The following COPZ1 variants were observed in gnomAD, a reference collection of about 807,000 sequenced individuals.
COPZ1 encodes the protein coat protein complex I subunit zeta 1.
A neutral mutation model predicts 31.7 loss-of-function variants in COPZ1; 4 were observed. That is an observed-to-expected ratio of 0.13 (90% CI 0.06 to 0.29). The LOEUF is 0.29. Among genes scored for constraint, COPZ1 ranks in the 10% least tolerant of loss-of-function variants. The probability of loss-of-function intolerance (pLI) is 1.00; values close to 1 mark genes in which losing one functional copy is unlikely to be tolerated. For missense variants in COPZ1, 156 were observed against 211.5 expected, an observed-to-expected ratio of 0.74 and a Z score of 1.63; for synonymous variants, 74 against 79.0, an observed-to-expected ratio of 0.94 and a Z score of 0.33.
Position 54,350,973 on chromosome 12 carries a change from G to A in COPZ1, c.*450G>A, listed in dbSNP as rs1033321733. ...AAGAGAATTCTTTTCTATAGAACGA[G>A]TGGGGGCGGGGATGGGTAGGGATTT... On this transcript the variant is annotated 3_prime_UTR_variant, in exon 9 of 9. Transcript: ENST00000262061. 2.1e-5 allele frequency: 4 copies of A among 188,514 alleles called. No homozygotes were observed. Among genetic ancestry groups the A allele is most frequent in the African/African-American group, 4.6e-5 (2 of 43,082 alleles). 11.7% of individuals were successfully genotyped at this position (188,514 alleles called of 1,614,324 possible). A position where few individuals can be genotyped will look rare whatever the true frequency, so the allele number is the denominator to read the frequency against.
At chr12:54,346,621 C>T (rs1171635439) in intron 5 of COPZ1, 1 of 701,784 alleles carries the variant, frequency 1.4e-6, no homozygotes, top group Admixed American at 2.0e-5. Context: ...GAACAGGAAG[C>T]ACCCAGGCAG....
chr12:54,326,958 A>ATTTTTT (rs1953660662), intron 1 of COPZ1, among the ~76,000 whole-genome samples: 1 of 38,764 alleles, frequency 2.6e-5, no homozygotes, highest in African/African-American at 1.0e-4. Context: ...GTTAACAAGT[A>ATTTTTT]TTCTTTTTTT....
At chr12:54,332,052 G>A (rs550790157) in intron 1 of COPZ1, among the ~76,000 whole-genome samples, 1 of 152,280 alleles carries the variant, frequency 6.6e-6, no homozygotes, top group South Asian at 2.1e-4. Flanking sequence ...AAGGCCGGGC[G>A]CGGTGGCTCA....
intron 1 of COPZ1, among the ~76,000 whole-genome samples, chr12:54,339,869 C>T (rs1272338664): frequency 1.3e-5 from 2 of 151,966 alleles, no homozygotes; most frequent in African/African-American, 2.4e-5. Flanking sequence ...GGCTTTTGTC[C>T]TTGGAAGTTA....
At chr12:54,342,121 C>T (rs566654794) in intron 2 of COPZ1, 85 bp from the exon 3 acceptor site, 2 of 975,990 alleles carry the variant, frequency 2.0e-6, no homozygotes, top group South Asian at 1.3e-5. Flanking sequence ...GAGAGAAATC[C>T]AAGATCCCAG....
At chr12:54,347,083 G>A (rs1459749688) in intron 5 of COPZ1, among the ~76,000 whole-genome samples, 2 of 152,200 alleles carry the variant, frequency 1.3e-5, no homozygotes, top group Non-Finnish European at 1.5e-5. Flanking sequence ...GGCACTCTCA[G>A]CCCTGCAAAA....
At position 54,342,173 on chromosome 12, in the gene COPZ1, T is replaced by G. The variant is rs1385950700; in HGVS notation, c.88-33T>G. 2.0e-6 allele frequency: 3 copies of G among 1,528,954 alleles called. No homozygotes were observed. In the Admixed American group the frequency reaches 5.0e-5, roughly 26 times the overall value. 94.7% of individuals were successfully genotyped at this position (1,528,954 alleles called of 1,614,324 possible). A position where few individuals can be genotyped will look rare whatever the true frequency, so the allele number is the denominator to read the frequency against. Reference sequence around the variant, plus strand: ...TAATCATTCTGGCTTCCAGCTCTAGTGACCCAACCCTGTCTTCTTTCCCTC... The same window carrying G: ...TAATCATTCTGGCTTCCAGCTCTAGGGACCCAACCCTGTCTTCTTTCCCTC... On this transcript the variant is annotated intron_variant, in intron 2 of 8. Transcript: ENST00000262061.
At chr12:54,339,315 G>A (rs1953929476) in intron 1 of COPZ1, among the ~76,000 whole-genome samples, 1 of 149,962 alleles carries the variant, frequency 6.7e-6, no homozygotes, top group South Asian at 2.1e-4. Flanking sequence ...TACCTTTCAT[G>A]CACACATCAC....
At chr12:54,331,393 C>A (rs1351102081) in intron 1 of COPZ1, among the ~76,000 whole-genome samples, 1 of 152,038 alleles carries the variant, frequency 6.6e-6, no homozygotes, top group Non-Finnish European at 1.5e-5. Context: ...GTTGGCCAAG[C>A]TGGCCTCGAA....
chr12:54,346,650 G>C, intron 5 of COPZ1: 1 of 701,974 alleles, frequency 1.4e-6, no homozygotes, highest in Non-Finnish European at 2.6e-6. Context: ...CATGAGTCGA[G>C]TTCAAGACAA....
chr12:54,343,356 T>C (rs370526954), intron 4 of COPZ1, 40 bp downstream of exon 4: 14 of 1,541,690 alleles, frequency 9.1e-6, no homozygotes, highest in Non-Finnish European at 9.9e-6. Flanking sequence ...CTGATCCTAC[T>C]TTCTAAACCA....
chr12:54,350,329 T>A lies in COPZ1; in HGVS notation c.487-147T>A, dbSNP rs769482246. ...ACAATCTGCTAGGGCCTTAGAGAGC[T>A]TCTTCCCATCTCTTTACCCTTGGGG... On this transcript the variant is annotated intron_variant, in intron 8 of 8. Coordinates refer to ENST00000262061, the MANE Select transcript of COPZ1 (RefSeq NM_016057.3). 38 of 792,192 alleles carry A rather than the reference T, an allele frequency of 4.8e-5. No homozygotes were observed. In the African/African-American group the frequency reaches 6.0e-4, roughly 13 times the overall value. 49.1% of individuals were successfully genotyped at this position (792,192 alleles called of 1,614,324 possible).
At chr12:54,342,917 C>T (rs1026085124) in intron 3 of COPZ1, among the ~76,000 whole-genome samples, 7 of 142,260 alleles carry the variant, frequency 4.9e-5, no homozygotes, top group Admixed American at 1.5e-4. Context: ...AGTACAGTGG[C>T]GAGATCTCGG....
chr12:54,331,727 T>TG (rs1318572446), intron 1 of COPZ1, among the ~76,000 whole-genome samples: 7 of 151,626 alleles, frequency 4.6e-5, no homozygotes, highest in South Asian at 2.1e-4. Flanking sequence ...CAGGGAGATG[T>TG]GGGGGGGAGT....
intron 5 of COPZ1, among the ~76,000 whole-genome samples, chr12:54,345,938 CAG>C (rs948485411): frequency 7.0e-6 from 1 of 143,576 alleles, no homozygotes; most frequent in Non-Finnish European, 1.5e-5. Context: ...GCCTTGGCGA[CAG>C]AGTGAGACTC....
chr12:54,326,589 A>G (rs1462591514), intron 1 of COPZ1, among the ~76,000 whole-genome samples: 1 of 150,106 alleles, frequency 6.7e-6, no homozygotes, highest in Admixed American at 6.7e-5. Flanking sequence ...CCCTTTTTAG[A>G]ACTGGACCAG....
chr12:54,339,301 C>T (rs1953929261), intron 1 of COPZ1, among the ~76,000 whole-genome samples: 2 of 150,546 alleles, frequency 1.3e-5, no homozygotes, highest in Admixed American at 6.6e-5. Flanking sequence ...TGTGAGGCTG[C>T]AAATACCTTT....
In COPZ1 at chr12:54,325,134, G is replaced by A. The variant is rs1401364908; in HGVS notation, c.-30G>A. ...AATCAGCGGCGGCGTTTCTTTTGCG[G>A]CTCCACGTCGGCACCAGCTGCGGGG... On this transcript the variant is annotated 5_prime_UTR_variant, in exon 1 of 9. Transcript: ENST00000262061. 1 of 1,559,726 alleles carries A rather than the reference G, an allele frequency of 6.4e-7. No individual in the cohort carries two copies. Among genetic ancestry groups the A allele is most frequent in the African/African-American group, 1.4e-5 (1 of 73,486 alleles).
In COPZ1 at chr12:54,347,776, A is replaced by G. The variant is rs1391671211; in HGVS notation, c.327A>G (p.Val109=). The G allele has an allele frequency of 6.2e-7, 1 of 1,609,374 alleles. No individual in the cohort carries two copies. The highest frequency in any genetic ancestry group is 8.5e-7 in the Non-Finnish European group (1 of 1,178,864). The change falls in exon 6 of 9, where the codon GTA becomes GTG. Residue 109 remains valine, a synonymous_variant. Coordinates refer to ENST00000262061, the MANE Select transcript of COPZ1 (RefSeq NM_016057.3). Reference sequence around the variant, plus strand: ...TCTCTTGGGGACTCAGGAAAAATGTAGAAAAGCGAGCACTGCTGGAGAACA... The same window carrying G: ...TCTCTTGGGGACTCAGGAAAAATGTGGAAAAGCGAGCACTGCTGGAGAACA... ...DSLSQMLRKN[V]EKRALLENME... is the part of the protein sequence containing the mutation.
Sources: allele counts gnomAD v4.1 joint callset (sites outside exome capture counted in the v4.1 genomes callset), GRCh38; gene constraint gnomAD v4.1.1; transcripts MANE v1.5; gene names NCBI Gene and HGNC (gene_info 2026-07-23, HGNC 2026-07-21).